Variants in EDEM1 observed in about 807,000 individuals in gnomAD.
The protein encoded by EDEM1 is ER degradation enhancing alpha-mannosidase like protein 1, also known as ER degradation-enhancing alpha-mannosidase-like protein 1.
A neutral mutation model predicts 74.4 loss-of-function variants in EDEM1; 67 were observed. The ratio of observed to expected loss-of-function variants is 0.90; its 90% confidence interval spans 0.74 to 1.10. EDEM1 has a LOEUF of 1.10. Ranked by LOEUF, EDEM1 falls within the 50% of genes least tolerant of loss-of-function variation. The probability of loss-of-function intolerance (pLI) is 0.00; values close to 1 mark genes in which losing one functional copy is unlikely to be tolerated. For missense variants in EDEM1, 926 were observed against 851.6 expected, an observed-to-expected ratio of 1.09 and a Z score of -1.09; for synonymous variants, 382 against 335.9, an observed-to-expected ratio of 1.14 and a Z score of -1.50.
rs2055283058 is a variant in EDEM1 at position 5,219,286 on chromosome 3, T to C, written c.*3368T>C. 1 of 152,218 alleles carries C rather than the reference T, an allele frequency of 6.6e-6. No individual in the cohort carries two copies. Among genetic ancestry groups the C allele is most frequent in the African/African-American group, 2.4e-5 (1 of 41,446 alleles). 9.4% of individuals were successfully genotyped at this position (152,218 alleles called of 1,614,324 possible). ...TCTGTTGACAAAAACAAAAATCTTT[T>C]TTCAAATGTAGTGCTGGTGAAAAGG... On this transcript the variant is annotated 3_prime_UTR_variant, in exon 12 of 12. Coordinates refer to ENST00000256497, the MANE Select transcript of EDEM1 (RefSeq NM_014674.3).
At chr3:5,204,924 A>G (rs1028975842) in intron 5 of EDEM1, 143 bp from the exon 6 acceptor site, 8 of 760,964 alleles carry the variant, frequency 1.1e-5, no homozygotes, top group Admixed American at 8.3e-5. Context: ...TAAAAATGTT[A>G]GGTCCAAGCA....
intron 1 of EDEM1, 170 bp downstream of exon 1, chr3:5,188,484 C>A (rs1199119501): frequency 1.4e-6 from 1 of 715,216 alleles, no homozygotes; most frequent in Non-Finnish European, 2.0e-6. Context: ...GACCCCCGAG[C>A]TTGAGGGTGC....
In EDEM1 at chr3:5,188,307, G is replaced by A; in HGVS notation, c.502G>A (p.Gly168Arg). The change falls in exon 1 of 12, where the codon GGG becomes AGG. Residue 168 changes from glycine (G) to arginine (R), a missense_variant. By Grantham distance (125) the Gly-to-Arg change is moderately radical. Coordinates refer to ENST00000256497, the MANE Select transcript of EDEM1 (RefSeq NM_014674.3). The part of the protein sequence containing the change: ...IHCRGRGPDR[G>R]DPSNLNINDV... ...CTGCCGCGGCCGTGGGCCCGACCGC[G>A]GGGACCCGTGAGTAGCCCCCGCCGC... is the stretch of plus-strand genomic sequence containing the variant. 6.6e-7 allele frequency: 1 copy of A among 1,514,798 alleles called. No homozygotes were observed. The highest frequency in any genetic ancestry group is 8.9e-7 in the Non-Finnish European group (1 of 1,128,556). The allele number at this position is 1,514,798 out of a possible 1,614,324, so 93.8% of individuals were successfully genotyped here. A position where few individuals can be genotyped will look rare whatever the true frequency, so the allele number is the denominator to read the frequency against.
chr3:5,213,298 C>G, intron 10 of EDEM1, 21 bp from the exon 11 acceptor site: 1 of 1,605,426 alleles, frequency 6.2e-7, no homozygotes, highest in South Asian at 1.1e-5. Context: ...TTGGTTGTAT[C>G]TTTTTCTCCG....
At chr3:5,209,280 C>T (rs975874563) in intron 8 of EDEM1, among the ~76,000 whole-genome samples, 1 of 152,164 alleles carries the variant, frequency 6.6e-6, no homozygotes, top group Non-Finnish European at 1.5e-5. Context: ...AAGATAATAG[C>T]CACCTGTTTG....
chr3:5,199,564 G>A (rs1035293675), intron 2 of EDEM1, 28 bp from the exon 3 acceptor site: 1 of 1,555,386 alleles, frequency 6.4e-7, no homozygotes, highest in East Asian at 2.2e-5. Context: ...TCAAGTTGCT[G>A]TAATGACCTG....
rs1037307126 is a variant in EDEM1, at chr3:5,217,516, C to T, written c.*1598C>T. The T allele has an allele frequency of 1.3e-5, 2 of 152,524 alleles. No homozygotes were observed. The highest frequency in any genetic ancestry group is 2.9e-5 in the Non-Finnish European group (2 of 68,024). The allele number at this position is 152,524 out of a possible 1,614,324, so 9.4% of individuals were successfully genotyped here. A position where few individuals can be genotyped will look rare whatever the true frequency, so the allele number is the denominator to read the frequency against. On this transcript the variant is annotated 3_prime_UTR_variant, in exon 12 of 12. Coordinates refer to ENST00000256497, the MANE Select transcript of EDEM1 (RefSeq NM_014674.3). ...TTAGTCAAAAGGGAGAAATCTTATT[C>T]CTTCTTGAAAATTTTAAGTGTTATG...
intron 9 of EDEM1, 62 bp downstream of exon 9, chr3:5,210,310 T>C (rs2055152784): frequency 2.1e-6 from 3 of 1,456,140 alleles, no homozygotes; most frequent in South Asian, 1.2e-5. Context: ...CAAATTGTTT[T>C]GGGGAAATAT....
rs374360841 is a variant in EDEM1, at chr3:5,208,270, G to C, written c.1509+7G>C. On this transcript the variant is annotated splice_region_variant and intron_variant, in intron 8 of 11. Coordinates refer to ENST00000256497, the MANE Select transcript of EDEM1 (RefSeq NM_014674.3). The stretch of plus-strand genomic sequence containing the variant: ...CACATATCTCCTCTACCAGGTACTA[G>C]AGTTGTGTTTTTTTTTTTTTCCTTT... The C allele has an allele frequency of 1.6e-4, 258 of 1,597,764 alleles. No individual in the cohort carries two copies. Among genetic ancestry groups the C allele is most frequent in the Middle Eastern group, 1.7e-4 (1 of 6,032 alleles).
chr3:5,187,771 C>G lies in EDEM1; in HGVS notation c.-35C>G. ...GCGGTGGTCGGCGGGGAGGCCCCCG[C>G]GCTTTAAAATAATGCCCGCGGCGCC... On this transcript the variant is annotated 5_prime_UTR_variant, in exon 1 of 12. Coordinates refer to ENST00000256497, the MANE Select transcript of EDEM1 (RefSeq NM_014674.3). The G allele has an allele frequency of 6.6e-7, 1 of 1,513,218 alleles. No homozygotes were observed. The highest frequency in any genetic ancestry group is 8.8e-7 in the Non-Finnish European group (1 of 1,130,806). 93.7% of individuals were successfully genotyped at this position (1,513,218 alleles called of 1,614,324 possible).
intron 2 of EDEM1, among the ~76,000 whole-genome samples, chr3:5,197,366 TCAAA>T (rs1462824152): frequency 1.3e-5 from 2 of 152,128 alleles, no homozygotes; most frequent in Non-Finnish European, 2.9e-5. Flanking sequence ...AGTCCTACAG[TCAAA>T]CAAACAAACC....
chr3:5,200,234 A>G (rs1056655533), intron 3 of EDEM1, among the ~76,000 whole-genome samples: 1 of 152,156 alleles, frequency 6.6e-6, no homozygotes, highest in Non-Finnish European at 1.5e-5. Flanking sequence ...GCCTGGGTAC[A>G]TTTATGTTTT....
chr3:5,215,392 AG>A (rs1251986472), intron 11 of EDEM1, among the ~76,000 whole-genome samples: 2 of 152,208 alleles, frequency 1.3e-5, no homozygotes, highest in Non-Finnish European at 2.9e-5. Flanking sequence ...AGTATTTTCA[AG>A]TAGCAGAAAT....
At chr3:5,204,436 C>T (rs1389633686) in intron 5 of EDEM1, among the ~76,000 whole-genome samples, 1 of 151,804 alleles carries the variant, frequency 6.6e-6, no homozygotes, top group Non-Finnish European at 1.5e-5. Flanking sequence ...GGCAGTGGCA[C>T]AGTCTCTGCT....
chr3:5,207,013 C>T (rs2055105877), intron 6 of EDEM1, 140 bp from the exon 7 acceptor site: 3 of 1,129,806 alleles, frequency 2.7e-6, no homozygotes, highest in Non-Finnish European at 3.7e-6. Context: ...GGCAGTCTGT[C>T]TGCAGAGGTT....
At chr3:5,209,920 C>A (rs929535853) in intron 8 of EDEM1, among the ~76,000 whole-genome samples, 1 of 152,206 alleles carries the variant, frequency 6.6e-6, no homozygotes, top group Non-Finnish European at 1.5e-5. Context: ...CCAAAGTAGA[C>A]TATTGTTCTA....
rs1325555847 is a variant in EDEM1 at position 5,219,134 on chromosome 3, C to T, written c.*3216C>T. ...AGGAAAATATCCCTCTTAATGATTT[C>T]GTAGTTCAGTTTACTGAATGATTAC... On this transcript the variant is annotated 3_prime_UTR_variant, in exon 12 of 12. Coordinates refer to ENST00000256497, the MANE Select transcript of EDEM1 (RefSeq NM_014674.3). 2 of 152,190 alleles carry T rather than the reference C, an allele frequency of 1.3e-5. No homozygotes were observed. Among genetic ancestry groups the T allele is most frequent in the South Asian group, 2.1e-4 (1 of 4,820 alleles). 9.4% of individuals were successfully genotyped at this position (152,190 alleles called of 1,614,324 possible). A position where few individuals can be genotyped will look rare whatever the true frequency, so the allele number is the denominator to read the frequency against.
At chr3:5,213,833 C>T (rs564556757) in intron 11 of EDEM1, among the ~76,000 whole-genome samples, 15 of 152,270 alleles carry the variant, frequency 9.9e-5, no homozygotes, top group African/African-American at 3.4e-4. Context: ...CTTTCAAGGC[C>T]TTGCCTGGAG....
chr3:5,205,523 C>T (rs182199796), intron 6 of EDEM1, among the ~76,000 whole-genome samples: 1 of 152,312 alleles, frequency 6.6e-6, no homozygotes, highest in East Asian at 1.9e-4. Flanking sequence ...GTCATTCTGG[C>T]CCAGGATCTC....
Sources: gnomAD v4.1 joint callset for allele counts (sites outside exome capture counted in the v4.1 genomes callset) on GRCh38, gnomAD v4.1.1 for gene constraint, MANE v1.5 for transcripts, NCBI Gene and HGNC (gene_info 2026-07-23, HGNC 2026-07-21) for gene names.